The following MBNL2 variants were observed in gnomAD, a reference collection of about 807,000 sequenced individuals.
MBNL2 encodes the protein muscleblind-like protein 2.
MBNL2 carries 17 observed loss-of-function variants against 41.9 expected under a neutral mutation model. The ratio of observed to expected loss-of-function variants is 0.41; its 90% CI spans 0.28 to 0.61. MBNL2 has a LOEUF of 0.61. MBNL2 is among the 20% of genes least tolerant of loss of function. The pLI is 0.35. For synonymous variants in MBNL2, 195 were observed against 182.9 expected (o/e 1.07, Z -0.53); for missense variants, 336 against 505.6 (o/e 0.66, Z 3.22).
In MBNL2 at chr13:97,334,286, C is replaced by T. The variant is rs149782767; in HGVS notation, c.185C>T (p.Ser62Leu). ...CACTTGTTTTTACAGGGCCGTTGTT[C>T]GAGAGAGAACTGCAAGTATCTTCAC... ...ACFDSLKGRCSRENCKYLHPP... is the reference protein window; with the variant it reads ...ACFDSLKGRCLRENCKYLHPP... The change falls in exon 3 of 9, where the codon TCG (serine) becomes TTG (leucine). Residue 62 changes from serine to leucine, a missense_variant. Ser to Leu is a moderately radical substitution (Grantham distance 145, BLOSUM62 -2). Coordinates refer to ENST00000679496, the MANE Select transcript of MBNL2 (RefSeq NM_001382683.1). The surrounding 1 kb of genome is among the most constrained non-coding windows in gnomAD (Gnocchi z 5.3). 1.9e-4 allele frequency: 312 copies of T among 1,609,154 alleles called. 1 individual carries two copies. The African/African-American group carries it at 3.7e-3, about 19-fold the overall frequency.
intron 1 of MBNL2, among the ~76,000 whole-genome samples, chr13:97,228,632 C>T (rs989118953): frequency 6.0e-5 from 9 of 149,956 alleles, no homozygotes; most frequent in Non-Finnish European, 1.2e-4. Context: ...CAGGTTCAAG[C>T]GATTCTCCTG....
chr13:97,381,396 A>C (rs569850078), intron 8 of MBNL2, among the ~76,000 whole-genome samples: 1 of 152,142 alleles, frequency 6.6e-6, no homozygotes, highest in Non-Finnish European at 1.5e-5. Context: ...CCACTGTTAA[A>C]ATGGGTACTG....
chr13:97,353,961 A>T (rs577498563), intron 5 of MBNL2, among the ~76,000 whole-genome samples: 1 of 148,624 alleles, frequency 6.7e-6, no homozygotes, highest in African/African-American at 2.5e-5. Context: ...GACCCCTCAG[A>T]TCTGGTCTTT....
At chr13:97,250,228 T>G (rs1040735511) in intron 1 of MBNL2, among the ~76,000 whole-genome samples, 1 of 152,220 alleles carries the variant, frequency 6.6e-6, no homozygotes, top group Non-Finnish European at 1.5e-5. Flanking sequence ...TGTTTCTCTA[T>G]ATTGTGTAAA....
intron 2 of MBNL2, among the ~76,000 whole-genome samples, chr13:97,333,220 C>T (rs1369555056): frequency 6.6e-6 from 1 of 152,178 alleles, no homozygotes; most frequent in Non-Finnish European, 1.5e-5. Flanking sequence ...GATACTCAAA[C>T]TGGTTCACAG....
At chr13:97,375,599 A>G (rs1317201002) in intron 8 of MBNL2, among the ~76,000 whole-genome samples, 1 of 152,178 alleles carries the variant, frequency 6.6e-6, no homozygotes, top group African/African-American at 2.4e-5. Context: ...TCCACACGCC[A>G]TTATGTTAAA....
At chr13:97,289,250 A>T (rs550007000) in intron 2 of MBNL2, among the ~76,000 whole-genome samples, 8 of 152,338 alleles carry the variant, frequency 5.3e-5, no homozygotes, top group African/African-American at 1.4e-4. Flanking sequence ...AGATGCTCTT[A>T]AAAAATGACC....
At chr13:97,330,424 G>A (rs541567165) in intron 2 of MBNL2, among the ~76,000 whole-genome samples, 1 of 152,300 alleles carries the variant, frequency 6.6e-6, no homozygotes, top group Non-Finnish European at 1.5e-5. Context: ...CCTGCCACTA[G>A]GCACTGGACC....
At chr13:97,156,909 A>C in the MBNL2 span, among the ~76,000 whole-genome samples, 1 of 152,068 alleles carries the variant, frequency 6.6e-6, no homozygotes, top group East Asian at 1.9e-4. Flanking sequence ...ACTTTAAAGT[A>C]GTTTTTTCCA....
the MBNL2 span, among the ~76,000 whole-genome samples, chr13:97,205,805 T>C: frequency 1.3e-5 from 2 of 152,350 alleles, no homozygotes; most frequent in East Asian, 3.9e-4. Flanking sequence ...AACTCTGTGT[T>C]ATCAAAATAT....
Position 97,274,844 on chromosome 13 carries a change from C to T in MBNL2, c.-604-788C>T, listed in dbSNP as rs985061043. ...TTTTTGTTGTAGCCATGTGTTTTAACTCCAGCATTCCATACTACAGAGCGT... is the reference window on the plus strand; with the variant it reads ...TTTTTGTTGTAGCCATGTGTTTTAATTCCAGCATTCCATACTACAGAGCGT... On this transcript the variant is annotated intron_variant, in intron 1 of 8. Transcript: ENST00000679496. 6.6e-5 allele frequency among the ~76,000 whole-genome samples: 10 copies of T among 152,344 alleles called. No homozygotes were observed. The South Asian group carries it at 1.9e-3, about 28-fold the overall frequency.
intron 2 of MBNL2, among the ~76,000 whole-genome samples, chr13:97,308,621 C>G (rs1298771620): frequency 1.3e-5 from 2 of 152,238 alleles, no homozygotes; most frequent in Non-Finnish European, 2.9e-5. Context: ...TATCTACTAA[C>G]CTACATCATG....
chr13:97,318,246 C>T (rs904100840), intron 2 of MBNL2, among the ~76,000 whole-genome samples: 3 of 152,314 alleles, frequency 2.0e-5, no homozygotes, highest in South Asian at 2.1e-4. Context: ...TGTGAGAATT[C>T]GGCAAACATA....
intron 3 of MBNL2, among the ~76,000 whole-genome samples, chr13:97,341,927 A>G (rs2061471011): frequency 6.6e-6 from 1 of 152,358 alleles, no homozygotes; most frequent in East Asian, 1.9e-4. Flanking sequence ...AGCATAGTTC[A>G]ATGTTAAAAG....
the MBNL2 span, among the ~76,000 whole-genome samples, chr13:97,214,585 G>C: frequency 6.6e-6 from 1 of 152,294 alleles, no homozygotes; most frequent in East Asian, 1.9e-4. Flanking sequence ...TGGCCCCTCA[G>C]TCAGAAGGTG....
chr13:97,196,642 C>T, the MBNL2 span, among the ~76,000 whole-genome samples: 1 of 152,028 alleles, frequency 6.6e-6, no homozygotes, highest in Non-Finnish European at 1.5e-5. Flanking sequence ...AAACGATGCT[C>T]AAAATGAGGA....
chr13:97,212,717 C>T, the MBNL2 span, among the ~76,000 whole-genome samples: 2 of 152,158 alleles, frequency 1.3e-5, no homozygotes, highest in African/African-American at 4.8e-5. Context: ...TAGCATTGTG[C>T]TTGACTCAGT....
intron 1 of MBNL2, among the ~76,000 whole-genome samples, chr13:97,253,959 C>T (rs1247566037): frequency 4.6e-5 from 7 of 151,950 alleles, no homozygotes; most frequent in East Asian, 1.9e-4. Context: ...GCATGATCTT[C>T]GCTCACTGCA....
At chr13:97,190,124 G>A in the MBNL2 span, among the ~76,000 whole-genome samples, 1 of 152,258 alleles carries the variant, frequency 6.6e-6, no homozygotes, top group Non-Finnish European at 1.5e-5. Flanking sequence ...TAGCATGGCA[G>A]AAAGCGGATT....
Sources: allele counts gnomAD v4.1 joint callset (sites outside exome capture counted in the v4.1 genomes callset), GRCh38; gene constraint gnomAD v4.1.1; non-coding constraint Gnocchi (gnomAD v3.1); transcripts MANE v1.5; gene names NCBI Gene and HGNC (gene_info 2026-07-23, HGNC 2026-07-21).